MMP26: variants seen among roughly 807,000 people sequenced by gnomAD.
The protein encoded by MMP26 is matrix metallopeptidase 26, also known as matrix metalloproteinase-26.
In MMP26, 33 loss-of-function variants were observed where a neutral mutation model predicts 31.0. The ratio of observed to expected loss-of-function variants is 1.06; its 90% CI spans 0.81 to 1.42. MMP26 has a LOEUF of 1.42. Ranked by LOEUF, MMP26 falls within the 40% of genes most tolerant of loss-of-function variation. MMP26 has a pLI of 0.00. For synonymous variants in MMP26, 122 were observed against 114.9 expected, an observed-to-expected ratio of 1.06 and a Z score of -0.40; for missense variants, 347 against 316.1, an observed-to-expected ratio of 1.10 and a Z score of -0.74.
intron 2 of MMP26, chr11:4,907,697 A>G: frequency 6.2e-7 from 1 of 1,613,932 alleles, no homozygotes; most frequent in East Asian, 2.2e-5. Flanking sequence ...ATTCACTGTC[A>G]TGGAATCCTC....
chr11:4,756,716 A>G (rs1848508472), intron 1 of MMP26: 1 of 152,058 alleles, frequency 6.6e-6, no homozygotes, highest in Non-Finnish European at 1.5e-5. Flanking sequence ...GTAGTATGCT[A>G]TGTGAGGGGC....
At chr11:4,771,165 T>C (rs1160506239) in intron 2 of MMP26, among the ~76,000 whole-genome samples, 2 of 152,218 alleles carry the variant, frequency 1.3e-5, no homozygotes, top group East Asian at 3.8e-4. Context: ...TTGATATGTT[T>C]ATAAACGGAG....
chr11:4,761,949 G>A (rs762349788), intron 1 of MMP26, among the ~76,000 whole-genome samples: 2 of 151,936 alleles, frequency 1.3e-5, no homozygotes, highest in Non-Finnish European at 2.9e-5. Flanking sequence ...GAGGAAAGAA[G>A]TTTTAGCAGG....
rs542712704 is a variant in MMP26, at chr11:4,878,786, C to G, written c.-144-109282C>G. On this transcript the variant is annotated intron_variant, in intron 2 of 7. Transcript: ENST00000380390. ...GTCACTCATCTTCACTGATAGGAACCAGGGAAAGAGGGTGGTGTTTACTTA... is the reference window on the plus strand; with the variant it reads ...GTCACTCATCTTCACTGATAGGAACGAGGGAAAGAGGGTGGTGTTTACTTA... Among the ~76,000 whole-genome samples the G allele has an allele frequency of 8.5e-5, 13 of 152,160 alleles. No homozygotes were observed. The East Asian group carries it at 2.3e-3, about 27-fold the overall frequency.
At chr11:4,843,410 A>T (rs1211859058) in intron 2 of MMP26, among the ~76,000 whole-genome samples, 2 of 151,870 alleles carry the variant, frequency 1.3e-5, no homozygotes, top group African/African-American at 4.8e-5. Flanking sequence ...CCAAACCTAA[A>T]CTCTTGCCTT....
At chr11:4,882,868 G>A (rs756743966) in intron 2 of MMP26, 2 of 1,612,246 alleles carry the variant, frequency 1.2e-6, no homozygotes, top group Non-Finnish European at 8.5e-7. Flanking sequence ...GGGGTCTTAG[G>A]GGAAGATGGG....
chr11:4,915,846 T>C, intron 2 of MMP26: 1 of 511,320 alleles, frequency 2.0e-6, no homozygotes. Flanking sequence ...AGTATCTTTT[T>C]GAGGAAATTT....
At chr11:4,877,923 T>C (rs956332920) in intron 2 of MMP26, 13 of 152,154 alleles carry the variant, frequency 8.5e-5, no homozygotes, top group Admixed American at 8.5e-4. Flanking sequence ...TGGTATATCG[T>C]TTTACAAGTT....
intron 2 of MMP26, among the ~76,000 whole-genome samples, chr11:4,807,576 A>T (rs1339155367): frequency 8.1e-6 from 1 of 124,130 alleles, no homozygotes; most frequent in Non-Finnish European, 1.6e-5. Flanking sequence ...ACGAGAACAC[A>T]TGGATACAGG....
At chr11:4,764,724 T>G (rs959523832) in intron 1 of MMP26, among the ~76,000 whole-genome samples, 1 of 151,988 alleles carries the variant, frequency 6.6e-6, no homozygotes, top group African/African-American at 2.4e-5. Context: ...ATACAAAAAA[T>G]TAGCTGGGCG....
chr11:4,960,834 T>C (rs1416847390), intron 2 of MMP26, among the ~76,000 whole-genome samples: 1 of 152,090 alleles, frequency 6.6e-6, no homozygotes, highest in Non-Finnish European at 1.5e-5. Context: ...ATAAAATATA[T>C]AATAATGACA....
intron 2 of MMP26, chr11:4,882,832 C>A (rs114936129): frequency 1.2e-6 from 2 of 1,613,602 alleles, no homozygotes; most frequent in East Asian, 4.5e-5. Flanking sequence ...TGCTCCAATC[C>A]AAGGGTTCAT....
At chr11:4,812,503 A>G (rs560478865) in intron 2 of MMP26, among the ~76,000 whole-genome samples, 52 of 152,186 alleles carry the variant, frequency 3.4e-4, no homozygotes, top group Admixed American at 2.2e-3. Flanking sequence ...ATTCAAGGGG[A>G]AAAGTAGGCA....
chr11:4,770,533 C>G (rs190629811), intron 2 of MMP26, among the ~76,000 whole-genome samples: 109 of 152,304 alleles, frequency 7.2e-4, no homozygotes, highest in African/African-American at 2.6e-3. Context: ...CAAGATGAGA[C>G]TGGTTTTATG....
chr11:4,944,686 T>C (rs1342923908), intron 2 of MMP26: 1 of 152,110 alleles, frequency 6.6e-6, no homozygotes, highest in Non-Finnish European at 1.5e-5. Flanking sequence ...ATTTTCGCAA[T>C]ATGCAAGATT....
intron 2 of MMP26, among the ~76,000 whole-genome samples, chr11:4,793,068 A>G (rs2133444263): frequency 6.6e-6 from 1 of 152,348 alleles, no homozygotes; most frequent in South Asian, 2.1e-4. Flanking sequence ...TGTGATTCCA[A>G]TAACCCATTT....
intron 2 of MMP26, chr11:4,848,022 G>A: frequency 1.9e-6 from 1 of 530,246 alleles, no homozygotes; most frequent in Admixed American, 3.4e-5. Flanking sequence ...CTATGTCATT[G>A]ATATGTAATG....
chr11:4,879,183 G>A (rs12791245), intron 2 of MMP26, among the ~76,000 whole-genome samples: 10,882 of 152,086 alleles, frequency 0.072, 550 homozygotes, highest in Non-Finnish European at 0.11. Flanking sequence ...GCAGTGACAC[G>A]ATATCGTGCC....
intron 2 of MMP26, among the ~76,000 whole-genome samples, chr11:4,987,664 T>C (rs1846925588): frequency 6.6e-6 from 1 of 151,982 alleles, no homozygotes; most frequent in African/African-American, 2.4e-5. Context: ...TGATCTGCCC[T>C]CCTCGGCCTC....
Sources: allele counts gnomAD v4.1 joint callset (sites outside exome capture counted in the v4.1 genomes callset), GRCh38; gene constraint gnomAD v4.1.1; transcripts MANE v1.5; gene names NCBI Gene and HGNC (gene_info 2026-07-23, HGNC 2026-07-21).